KCNT1: variants seen among roughly 807,000 people sequenced by gnomAD.
KCNT1 encodes potassium channel subfamily T member 1.
Under a neutral mutation model 147.8 loss-of-function variants are expected in KCNT1, and 78 were observed. That is an observed-to-expected ratio of 0.53 (90% CI 0.44 to 0.64). KCNT1 has a LOEUF of 0.64. Ranked by LOEUF, KCNT1 falls within the 30% of genes least tolerant of loss-of-function variation. The probability of loss-of-function intolerance (pLI) is 0.00; values close to 1 mark genes in which losing one functional copy is unlikely to be tolerated. For synonymous variants in KCNT1, 867 were observed against 748.8 expected, an observed-to-expected ratio of 1.16 and a Z score of -2.58; for missense variants, 1,419 against 1,750.3, an observed-to-expected ratio of 0.81 and a Z score of 3.38.
At chr9:135,766,271 G>A (rs1832273451) in intron 13 of KCNT1, among the ~76,000 whole-genome samples, 1 of 151,472 alleles carries the variant, frequency 6.6e-6, no homozygotes, top group Non-Finnish European at 1.5e-5. Context: ...CATGTGGGGT[G>A]GACCATCTAG....
chr9:135,703,951 AGCAGCCGCCG>A (rs1400932210), intron 1 of KCNT1, among the ~76,000 whole-genome samples: 1 of 152,186 alleles, frequency 6.6e-6, no homozygotes, highest in Non-Finnish European at 1.5e-5. Flanking sequence ...CTGCAGGCAG[AGCAGCCGCCG>A]GCAGTGGAGG....
Position 135,785,329 on chromosome 9 carries a change from A to C in KCNT1, c.3176A>C (p.Gln1059Pro). 6.2e-7 allele frequency: 1 copy of C among 1,613,018 alleles called. No individual in the cohort carries two copies. Among genetic ancestry groups the C allele is most frequent in the Non-Finnish European group, 8.5e-7 (1 of 1,179,942 alleles). The change falls in exon 28 of 31, where the codon CAG becomes CCG. Residue 1059 changes from glutamine (Q) to proline (P), a missense_variant and splice_region_variant. Coordinates refer to ENST00000371757, the MANE Select transcript of KCNT1 (RefSeq NM_020822.3). ...STSEPHDLRAQSQISVNVEDC... is the reference protein window; with the variant it reads ...STSEPHDLRAPSQISVNVEDC... ...TTGCAGCCCCACGACCTCAGAGCCCAGGTAAGCAACCCCTCCGTGCCCACG... is the reference window on the plus strand; with the variant it reads ...TTGCAGCCCCACGACCTCAGAGCCCCGGTAAGCAACCCCTCCGTGCCCACG...
At chr9:135,712,231 G>C (rs1162733883) in intron 1 of KCNT1, among the ~76,000 whole-genome samples, 1 of 152,200 alleles carries the variant, frequency 6.6e-6, no homozygotes, top group African/African-American at 2.4e-5. Flanking sequence ...CACAGGTTGA[G>C]CTCCACACCT....
intron 13 of KCNT1, among the ~76,000 whole-genome samples, chr9:135,767,337 G>A (rs1428478985): frequency 6.6e-6 from 1 of 152,212 alleles, no homozygotes; most frequent in East Asian, 1.9e-4. Context: ...GTGGGTACAG[G>A]GCCTGGGGCC....
chr9:135,716,333 G>A (rs1218678022), intron 2 of KCNT1, among the ~76,000 whole-genome samples: 2 of 152,296 alleles, frequency 1.3e-5, no homozygotes, highest in Middle Eastern at 3.4e-3. Flanking sequence ...GTATTCCTGA[G>A]TGTTCAGGAG....
At chr9:135,747,600 T>C (rs75676359) in intron 2 of KCNT1, among the ~76,000 whole-genome samples, 6,846 of 152,184 alleles carry the variant, frequency 0.045, 457 homozygotes, top group East Asian at 0.31. Flanking sequence ...GAGACACTTA[T>C]GCAGGGAGGG....
In KCNT1 at chr9:135,723,461, A is replaced by G. The variant is rs148357480; in HGVS notation, c.254+8741A>G. On this transcript the variant is annotated intron_variant, in intron 2 of 30. Transcript: ENST00000371757. ...GGCTTGGCTCCACAGGGTGGCAGGC[A>G]GGGAGGAGAGGCTGCTGCTCCCTGG... Among the ~76,000 whole-genome samples the G allele has an allele frequency of 7.4e-3, 1,133 of 152,340 alleles. 9 individuals are homozygous for G. The highest frequency in any genetic ancestry group is 0.025 in the African/African-American group (1,026 of 41,578).
intron 7 of KCNT1, 68 bp downstream of exon 7, chr9:135,757,000 C>A (rs1831531873): frequency 2.6e-5 from 29 of 1,105,936 alleles, no homozygotes; most frequent in Non-Finnish European, 3.5e-5. Context: ...CAGCCTCCCC[C>A]ACCTCCCCCA....
intron 28 of KCNT1, chr9:135,785,763 A>C: frequency 2.3e-6 from 1 of 431,986 alleles, no homozygotes; most frequent in Non-Finnish European, 4.3e-6. Context: ...CGGGGCCTCC[A>C]AAGGGTGTGT....
chr9:135,737,334 C>T (rs1271410444), intron 2 of KCNT1, among the ~76,000 whole-genome samples: 1 of 152,132 alleles, frequency 6.6e-6, no homozygotes, highest in African/African-American at 2.4e-5. Flanking sequence ...TGGAGCAGCG[C>T]CTACCCCTCC....
At chr9:135,790,975 T>C (rs1376274537) in intron 29 of KCNT1, 1 of 152,162 alleles carries the variant, frequency 6.6e-6, no homozygotes, top group East Asian at 1.9e-4. Flanking sequence ...GGGGGCTGTC[T>C]CTCCAGGACC....
At chr9:135,705,766 A>T (rs1588243232) in intron 1 of KCNT1, among the ~76,000 whole-genome samples, 1 of 152,300 alleles carries the variant, frequency 6.6e-6, no homozygotes, top group East Asian at 1.9e-4. Flanking sequence ...GGGAGGTGAG[A>T]CCAGTACTAG....
intron 14 of KCNT1, 22 bp from the exon 15 acceptor site, chr9:135,768,807 G>A: frequency 1.2e-6 from 2 of 1,602,466 alleles, no homozygotes; most frequent in Non-Finnish European, 1.7e-6. Flanking sequence ...CGTCTGCACT[G>A]ACCAACCACC....
At chr9:135,771,556 G>T (rs1832765306) in intron 18 of KCNT1, among the ~76,000 whole-genome samples, 1 of 152,234 alleles carries the variant, frequency 6.6e-6, no homozygotes, top group South Asian at 2.1e-4. Context: ...CAGCCCGGAG[G>T]GTCTGCTTCA....
rs1298118251 is a variant in KCNT1, at chr9:135,758,515, G to A, written c.854+7G>A. 1.2e-6 allele frequency: 2 copies of A among 1,611,778 alleles called. No homozygotes were observed. The highest frequency in any genetic ancestry group is 1.3e-5 in the African/African-American group (1 of 75,014). On this transcript the variant is annotated splice_region_variant and intron_variant, in intron 10 of 30. Coordinates refer to ENST00000371757, the MANE Select transcript of KCNT1 (RefSeq NM_020822.3). ...TGTGCCTCGTTTTCACGGGGTGAGTGCCGGCCGTCAGTGTGAGCACCCCAG... is the reference window on the plus strand; with the variant it reads ...TGTGCCTCGTTTTCACGGGGTGAGTACCGGCCGTCAGTGTGAGCACCCCAG...
intron 20 of KCNT1, among the ~76,000 whole-genome samples, chr9:135,776,115 T>C (rs761852282): frequency 3.1e-4 from 47 of 151,974 alleles, no homozygotes; most frequent in Non-Finnish European, 6.5e-4. Flanking sequence ...CAAGCTGGGG[T>C]CAGTAGGGTT....
At chr9:135,712,805 A>G (rs1394799016) in intron 1 of KCNT1, among the ~76,000 whole-genome samples, 1 of 152,220 alleles carries the variant, frequency 6.6e-6, no homozygotes, top group African/African-American at 2.4e-5. Flanking sequence ...TGGGGGGAAC[A>G]AGGCAGGATG....
rs368700117 is a variant in KCNT1, at chr9:135,714,739, G to GGA, written c.254+19_254+20insGA. The stretch of plus-strand genomic sequence containing the variant: ...ACGACAGGTAGGGACCGGGCGCGGG[G>GGA]TGGGGGCTGGGGTCGCCGTCCCGGC... On this transcript the variant is annotated intron_variant, in intron 2 of 30. Transcript: ENST00000371757. The surrounding 1 kb of genome is among the most constrained non-coding windows in gnomAD (Gnocchi z 6.2). 2 of 1,340,444 alleles carry GGA rather than the reference G, an allele frequency of 1.5e-6. No individual in the cohort carries two copies. The highest frequency in any genetic ancestry group is 1.9e-6 in the Non-Finnish European group (2 of 1,030,292). The allele number at this position is 1,340,444 out of a possible 1,614,324, so 83.0% of individuals were successfully genotyped here.
intron 18 of KCNT1, among the ~76,000 whole-genome samples, chr9:135,771,790 T>TGG (rs1832779309): frequency 6.6e-6 from 1 of 151,914 alleles, no homozygotes; most frequent in Non-Finnish European, 1.5e-5. Context: ...CAGGCCTTCC[T>TGG]GGGGGACAGT....
Sources: allele counts gnomAD v4.1 joint callset (sites outside exome capture counted in the v4.1 genomes callset), GRCh38; gene constraint gnomAD v4.1.1; non-coding constraint Gnocchi (gnomAD v3.1); transcripts MANE v1.5; gene names NCBI Gene and HGNC (gene_info 2026-07-23, HGNC 2026-07-21).